Variants in RPH3A observed in about 807,000 individuals in gnomAD.
RPH3A encodes rabphilin 3A.
A neutral mutation model predicts 102.2 loss-of-function variants in RPH3A; 48 were observed. That is an observed-to-expected ratio of 0.47 (90% CI 0.37 to 0.60). The LOEUF (loss-of-function observed/expected upper bound fraction) is 0.60. Ranked by LOEUF, RPH3A falls within the 20% of genes least tolerant of loss-of-function variation. RPH3A has a pLI of 0.00. For synonymous variants in RPH3A, 310 were observed against 324.3 expected (o/e 0.96, Z 0.47); for missense variants, 781 against 910.1 (o/e 0.86, Z 1.83).
At chr12:112,842,646 G>T (rs1282328872) in intron 4 of RPH3A, among the ~76,000 whole-genome samples, 1 of 152,250 alleles carries the variant, frequency 6.6e-6, no homozygotes, top group Non-Finnish European at 1.5e-5. Flanking sequence ...ATGAGTTACT[G>T]TGAAAATGCC....
intron 1 of RPH3A, among the ~76,000 whole-genome samples, chr12:112,661,866 AC>A (rs139709831): frequency 1.3e-5 from 2 of 151,596 alleles, no homozygotes; most frequent in African/African-American, 2.4e-5. Flanking sequence ...GCCACCACCC[AC>A]CCCCCAAATA....
At chr12:112,712,226 C>T (rs1223003572) in intron 1 of RPH3A, among the ~76,000 whole-genome samples, 3 of 152,106 alleles carry the variant, frequency 2.0e-5, no homozygotes, top group Non-Finnish European at 2.9e-5. Flanking sequence ...CATGCACGCA[C>T]GCAGGCACGC....
intron 1 of RPH3A, among the ~76,000 whole-genome samples, chr12:112,770,386 C>T (rs2040919564): frequency 1.3e-5 from 2 of 151,562 alleles, no homozygotes; most frequent in Admixed American, 1.3e-4. Flanking sequence ...GGCTCTGTCA[C>T]TCATGCTGGA....
At chr12:112,732,106 G>A (rs568930470) in intron 1 of RPH3A, among the ~76,000 whole-genome samples, 17 of 152,254 alleles carry the variant, frequency 1.1e-4, no homozygotes, top group East Asian at 3.9e-4. Flanking sequence ...GCAAACAAGC[G>A]TTTCTGGAGG....
intron 1 of RPH3A, among the ~76,000 whole-genome samples, chr12:112,713,023 C>CTCTTCCTCTTCCTCTTCTTCTTCT (rs1473414104): frequency 1.3e-4 from 7 of 52,812 alleles, no homozygotes; most frequent in African/African-American, 7.8e-4. Flanking sequence ...CTTCCTCTTC[C>CTCTTCCTCTTCCTCTTCTTCTTCT]TCTTCTTCTT....
At chr12:112,799,337 G>C (rs11066419) in intron 2 of RPH3A, among the ~76,000 whole-genome samples, 14,862 of 152,212 alleles carry the variant, frequency 0.098, 825 homozygotes, top group East Asian at 0.29. Flanking sequence ...ACTGTGAGCT[G>C]TGGTTGTGCC....
At chr12:112,685,156 C>G (rs1225295852) in intron 1 of RPH3A, among the ~76,000 whole-genome samples, 1 of 152,150 alleles carries the variant, frequency 6.6e-6, no homozygotes, top group Non-Finnish European at 1.5e-5. Context: ...AGGCTGGTCT[C>G]AAACTCCTGG....
chr12:112,807,416 T>G (rs2041490150), intron 2 of RPH3A, among the ~76,000 whole-genome samples: 1 of 152,114 alleles, frequency 6.6e-6, no homozygotes, highest in Non-Finnish European at 1.5e-5. Context: ...ACCACAGATG[T>G]GGGGCCCCTT....
At chr12:112,713,215 A>C (rs1364107816) in intron 1 of RPH3A, among the ~76,000 whole-genome samples, 2 of 151,690 alleles carry the variant, frequency 1.3e-5, no homozygotes, top group Non-Finnish European at 2.9e-5. Context: ...TATAGGCATA[A>C]GCCACCATGC....
chr12:112,837,282 T>C (rs2042069108), intron 4 of RPH3A, among the ~76,000 whole-genome samples: 1 of 152,090 alleles, frequency 6.6e-6, no homozygotes, highest in African/African-American at 2.4e-5. Flanking sequence ...CCCTCCCTCC[T>C]CACTGGCTGG....
In RPH3A at chr12:112,709,449, C is replaced by T. The variant is rs146641502; in HGVS notation, c.-139-82694C>T. Among the ~76,000 whole-genome samples the T allele has an allele frequency of 6.5e-3, 987 of 151,836 alleles. 8 individuals are homozygous for T. The highest frequency in any genetic ancestry group is 0.065 in the Middle Eastern group (19 of 294). The stretch of plus-strand genomic sequence containing the variant: ...TCTGTAGTTCCAGCTACTCAGGAGG[C>T]TGAGGCAGGAGGATCACTTGAGCCT... On this transcript the variant is annotated intron_variant, in intron 1 of 21. Coordinates refer to the RPH3A transcript ENST00000543106.
chr12:112,619,732 T>C (rs974616819), intron 1 of RPH3A, among the ~76,000 whole-genome samples: 5 of 152,166 alleles, frequency 3.3e-5, no homozygotes, highest in African/African-American at 1.2e-4. Context: ...ATTATAGACA[T>C]CCTAGTGAGT....
intron 1 of RPH3A, among the ~76,000 whole-genome samples, chr12:112,693,993 T>A (rs556194475): frequency 6.6e-6 from 1 of 152,204 alleles, no homozygotes; most frequent in Non-Finnish European, 1.5e-5. Flanking sequence ...GCTTTCTAAC[T>A]GGTATCTAAT....
chr12:112,664,663 G>A (rs1047338271), intron 1 of RPH3A, among the ~76,000 whole-genome samples: 2 of 151,980 alleles, frequency 1.3e-5, no homozygotes, highest in African/African-American at 4.8e-5. Context: ...GGTTGTGGAG[G>A]GCAACTTCAA....
intron 5 of RPH3A, among the ~76,000 whole-genome samples, chr12:112,862,227 G>A (rs2042530556): frequency 6.6e-6 from 1 of 150,938 alleles, no homozygotes; most frequent in Non-Finnish European, 1.5e-5. Flanking sequence ...GCCACAGAGT[G>A]AGACTCAGTC....
chr12:112,587,105 C>T (rs1826676236), intron 1 of RPH3A, among the ~76,000 whole-genome samples: 1 of 152,168 alleles, frequency 6.6e-6, no homozygotes, highest in African/African-American at 2.4e-5. Context: ...TAAAATGCAA[C>T]ATAAGTATTG....
At chr12:112,676,204 C>T (rs549940162) in intron 1 of RPH3A, among the ~76,000 whole-genome samples, 5 of 152,222 alleles carry the variant, frequency 3.3e-5, no homozygotes, top group South Asian at 2.1e-4. Context: ...CAGGCAACAC[C>T]GAGAGGAGGG....
intron 1 of RPH3A, among the ~76,000 whole-genome samples, chr12:112,595,249 T>C (rs1186322515): frequency 6.6e-6 from 1 of 152,202 alleles, no homozygotes. Context: ...AAATGCTCAA[T>C]AAAAAGATCG....
intron 1 of RPH3A, among the ~76,000 whole-genome samples, chr12:112,630,857 G>A (rs1437462137): frequency 6.6e-6 from 1 of 152,080 alleles, no homozygotes; most frequent in Non-Finnish European, 1.5e-5. Context: ...TCTGTGGGAT[G>A]GGTTGGTGGG....
Sources: gnomAD v4.1 joint callset for allele counts (sites outside exome capture counted in the v4.1 genomes callset) on GRCh38, gnomAD v4.1.1 for gene constraint, MANE v1.5 for transcripts, NCBI Gene and HGNC (gene_info 2026-07-23, HGNC 2026-07-21) for gene names.